DNAH9: variants seen among roughly 807,000 people sequenced by gnomAD.
DNAH9 encodes dynein axonemal heavy chain 9, also known as DNAH9 variant protein.
A neutral mutation model predicts 471.6 loss-of-function variants in DNAH9; 345 were observed. The ratio of observed to expected loss-of-function variants is 0.73; its 90% CI spans 0.67 to 0.80. DNAH9 has a LOEUF of 0.80. Ranked by LOEUF, DNAH9 falls within the 30% of genes least tolerant of loss-of-function variation. The pLI is 0.00. For synonymous variants in DNAH9, 2,093 were observed against 2,123.6 expected (o/e 0.99, Z 0.40); for missense variants, 5,407 against 5,609.2 (o/e 0.96, Z 1.15).
chr17:11,881,185 T>G, intron 54 of DNAH9, 24 bp from the exon 55 acceptor site: 3 of 1,613,492 alleles, frequency 1.9e-6, no homozygotes, highest in Non-Finnish European at 2.5e-6. Flanking sequence ...GCACCTTACC[T>G]TCACATGAGC....
At chr17:11,775,350 A>G (rs150291234) in intron 38 of DNAH9, among the ~76,000 whole-genome samples, 6,814 of 152,282 alleles carry the variant, frequency 0.045, 192 homozygotes, top group African/African-American at 0.069. Context: ...ACATTGAACA[A>G]TAATTTCTAA....
intron 15 of DNAH9, among the ~76,000 whole-genome samples, chr17:11,666,605 C>T (rs531926953): frequency 6.6e-6 from 1 of 152,278 alleles, no homozygotes; most frequent in East Asian, 1.9e-4. Flanking sequence ...TTGAAAGGCA[C>T]TGGTTATCTA....
intron 14 of DNAH9, among the ~76,000 whole-genome samples, 163 bp from the exon 15 acceptor site, chr17:11,664,670 A>G (rs1393936030): frequency 6.6e-6 from 1 of 152,244 alleles, no homozygotes; most frequent in Non-Finnish European, 1.5e-5. Context: ...CTTTCAGTCA[A>G]TGGTAATACT....
chr17:11,691,386 A>G (rs1478212234), intron 20 of DNAH9, among the ~76,000 whole-genome samples: 1 of 152,218 alleles, frequency 6.6e-6, no homozygotes, highest in Non-Finnish European at 1.5e-5. Context: ...TTCTTGCAGA[A>G]ACTTTAAGGG....
rs768643118 is a variant in DNAH9, at chr17:11,651,066, C to T, written c.2098-3C>T. 5 of 1,611,592 alleles carry T rather than the reference C, an allele frequency of 3.1e-6. No homozygotes were observed. The African/African-American group carries it at 6.7e-5, about 22-fold the overall frequency. ...AGACACTTGTGTTGCTTCTTTTCTC[C>T]AGCTGATTTCAGTGCTGAAAGAAAT... is the stretch of plus-strand genomic sequence containing the variant. On this transcript the variant is annotated splice_polypyrimidine_tract_variant and splice_region_variant and intron_variant, in intron 12 of 68. Transcript: ENST00000262442.
chr17:11,935,504 T>C (rs1001958357), intron 65 of DNAH9, among the ~76,000 whole-genome samples: 4 of 151,540 alleles, frequency 2.6e-5, no homozygotes, highest in Non-Finnish European at 4.4e-5. Flanking sequence ...GCCTCCTGAG[T>C]AGCTGGGATT....
intron 6 of DNAH9, 53 bp downstream of exon 6, chr17:11,619,834 C>A: frequency 9.4e-7 from 1 of 1,063,506 alleles, no homozygotes; most frequent in Non-Finnish European, 1.5e-6. Context: ...AGAAGCAGTC[C>A]AGGGGTCCAA....
At chr17:11,691,951 G>C (rs1280347385) in intron 20 of DNAH9, among the ~76,000 whole-genome samples, 1 of 152,030 alleles carries the variant, frequency 6.6e-6, no homozygotes, top group Non-Finnish European at 1.5e-5. Context: ...TTACAGATGA[G>C]TGCCACCACG....
At position 11,694,355 on chromosome 17, in the gene DNAH9, C is replaced by G; in HGVS notation, c.4780C>G (p.Leu1594Val). ...GTGTGAGAAGGCCCTGGCAGAGTAC[C>G]TCGACACCAAGAGGCTTGCCTTCCC... ...CLCEKALAEY[L>V]DTKRLAFPRF... The change falls in exon 22 of 69, where the codon CTC (leucine) becomes GTC (valine). Residue 1594 changes from leucine (L) to valine (V), a missense_variant. Leu to Val is a conservative substitution (Grantham distance 32). Transcript: ENST00000262442. The G allele has an allele frequency of 6.2e-7, 1 of 1,613,866 alleles. No individual in the cohort carries two copies. The highest frequency in any genetic ancestry group is 8.5e-7 in the Non-Finnish European group (1 of 1,179,974).
Position 11,824,880 on chromosome 17 carries a change from T to TCTCCTTCTCCTC in DNAH9, c.9246+1859_9246+1870dup, listed in dbSNP as rs1408923877. 2.0e-5 allele frequency among the ~76,000 whole-genome samples: 3 copies of TCTCCTTCTCCTC among 150,942 alleles called. No homozygotes were observed. The East Asian group carries it at 5.8e-4, about 29-fold the overall frequency. Reference sequence around the variant, plus strand: ...TTCAGTACTGTCTTCTCCTTCTCCTTCTCCTTCTCCTCCTCCTTCTCCTCT... The same window carrying TCTCCTTCTCCTC: ...TTCAGTACTGTCTTCTCCTTCTCCTTCTCCTTCTCCTCCTCCTTCTCCTCCTCCTTCTCCTCT... On this transcript the variant is annotated intron_variant, in intron 48 of 68. Transcript: ENST00000262442.
intron 22 of DNAH9, among the ~76,000 whole-genome samples, chr17:11,698,875 G>T (rs963807124): frequency 1.3e-4 from 20 of 152,094 alleles, no homozygotes; most frequent in African/African-American, 4.8e-4. Context: ...GGCACAGCCA[G>T]ACTTTATGCT....
At chr17:11,774,812 T>A (rs1422233024) in intron 38 of DNAH9, among the ~76,000 whole-genome samples, 1 of 152,182 alleles carries the variant, frequency 6.6e-6, no homozygotes, top group Non-Finnish European at 1.5e-5. Context: ...TTTCTCCTAC[T>A]GAAAGGCAGC....
intron 19 of DNAH9, among the ~76,000 whole-genome samples, chr17:11,688,006 T>G (rs1193902086): frequency 7.1e-6 from 1 of 140,008 alleles, no homozygotes; most frequent in African/African-American, 2.6e-5. Flanking sequence ...TGGTGGTGTG[T>G]GCCTGTAGTC....
intron 36 of DNAH9, among the ~76,000 whole-genome samples, chr17:11,765,829 G>T (rs1315131455): frequency 1.3e-5 from 2 of 152,178 alleles, no homozygotes; most frequent in Non-Finnish European, 2.9e-5. Flanking sequence ...AGGTTTAATT[G>T]CTCCCCGTCA....
chr17:11,701,452 A>T (rs1449157548), intron 24 of DNAH9, among the ~76,000 whole-genome samples: 4 of 152,194 alleles, frequency 2.6e-5, no homozygotes, highest in Non-Finnish European at 5.9e-5. Flanking sequence ...ACCTTGGGAA[A>T]TCAAGGGTGA....
At chr17:11,887,109 C>A in intron 57 of DNAH9, 144 bp downstream of exon 57, 1 of 1,104,466 alleles carries the variant, frequency 9.1e-7, no homozygotes, top group Non-Finnish European at 1.3e-6. Flanking sequence ...GCTATGTTAC[C>A]TTCAGACATC....
At chr17:11,615,328 C>G (rs1323015290) in intron 4 of DNAH9, among the ~76,000 whole-genome samples, 1 of 152,092 alleles carries the variant, frequency 6.6e-6, no homozygotes, top group African/African-American at 2.4e-5. Flanking sequence ...CTCACACCTG[C>G]AATCCCAGCA....
rs553390892 is a variant in DNAH9 at position 11,626,589 on chromosome 17, G to A, written c.1351-2828G>A. 3.9e-5 allele frequency among the ~76,000 whole-genome samples: 6 copies of A among 152,198 alleles called. No homozygotes were observed. Among genetic ancestry groups the A allele is most frequent in the Middle Eastern group, 3.4e-3 (1 of 294 alleles). ...ACAGGAAATGGCCATTTTTTAGGTC[G>A]AAATGATCCCGTATCAGCAATGTAA... On this transcript the variant is annotated intron_variant, in intron 6 of 68. Transcript: ENST00000262442. This position sits in a 1 kb window ranked among gnomAD's most constrained non-coding sequence, Gnocchi z 4.3.
intron 43 of DNAH9, among the ~76,000 whole-genome samples, chr17:11,798,428 G>A: frequency 2.5e-5 from 2 of 80,338 alleles, no homozygotes; most frequent in Non-Finnish European, 4.4e-5. Context: ...GCAAGACTCT[G>A]CCTCAAAAAA....
Sources: gnomAD v4.1 joint callset for allele counts (sites outside exome capture counted in the v4.1 genomes callset) on GRCh38, gnomAD v4.1.1 for gene constraint, Gnocchi (gnomAD v3.1) non-coding constraint, MANE v1.5 for transcripts, NCBI Gene and HGNC (gene_info 2026-07-23, HGNC 2026-07-21) for gene names.